The following ZNF345 variants were observed in gnomAD, a reference collection of about 807,000 sequenced individuals.
The protein encoded by ZNF345 is zinc finger protein 345.
For synonymous variants in ZNF345, 166 were observed against 187.9 expected (o/e 0.88, Z 0.95); for missense variants, 527 against 589.9 (o/e 0.89, Z 1.10).
rs187556677 is a variant in ZNF345 at position 36,859,826 on chromosome 19, G to A, written c.-47+7922G>A. Among the ~76,000 whole-genome samples the A allele has an allele frequency of 5.3e-4, 80 of 152,062 alleles. 1 individual carries two copies. In the East Asian group the frequency reaches 0.011, roughly 21 times the overall value. Reference sequence around the variant, plus strand: ...CAGTTGTTACCTTTTGCCTATTTGCGTTATCATTCTCATATGAACTTGTTT... The same window carrying A: ...CAGTTGTTACCTTTTGCCTATTTGCATTATCATTCTCATATGAACTTGTTT... On this transcript the variant is annotated intron_variant, in intron 2 of 2. Transcript: ENST00000420450.
chr19:36,874,911 C>T (rs139935780), intron 2 of ZNF345, among the ~76,000 whole-genome samples: 81 of 152,148 alleles, frequency 5.3e-4, no homozygotes, highest in African/African-American at 1.6e-3. Context: ...GGAAAGCGTA[C>T]GGGGATAAAT....
intron 2 of ZNF345, among the ~76,000 whole-genome samples, chr19:36,853,897 A>G (rs1568348617): frequency 6.6e-6 from 1 of 152,094 alleles, no homozygotes; most frequent in South Asian, 2.1e-4. Context: ...TTTCGTGTCA[A>G]TTGTTGAATT....
At position 36,863,941 on chromosome 19, in the gene ZNF345, A is replaced by G. The variant is rs12459377; in HGVS notation, c.-47+12037A>G. On this transcript the variant is annotated intron_variant, in intron 2 of 2. Transcript: ENST00000420450. ...ATTAATTTCTACCAACCCAAATCCC[A>G]TTGGCATGGAACTCTGCACTGCAGT... 5.4e-3 allele frequency among the ~76,000 whole-genome samples: 820 copies of G among 152,272 alleles called. 21 individuals carry two copies. Among genetic ancestry groups the G allele is most frequent in the Admixed American group, 0.038 (578 of 15,306 alleles).
downstream of ZNF345, among the ~76,000 whole-genome samples, chr19:36,879,813 C>G (rs1270654812): frequency 6.6e-6 from 1 of 152,184 alleles, no homozygotes; most frequent in Non-Finnish European, 1.5e-5. Context: ...ATCAATACCT[C>G]AGAGCCTTAT....
chr19:36,891,409 A>G, intron 3 of ZNF345: 1 of 1,345,596 alleles, frequency 7.4e-7, no homozygotes, highest in South Asian at 1.8e-5. Context: ...AACCTTTGAT[A>G]ATATGTATCC....
intron 3 of ZNF345, chr19:36,888,160 A>G (rs1038034577): frequency 2.0e-5 from 3 of 152,188 alleles, no homozygotes; most frequent in African/African-American, 7.2e-5. Context: ...TAACATGAAC[A>G]TGCCTGTTAA....
chr19:36,869,586 G>A (rs1271042354), intron 2 of ZNF345, among the ~76,000 whole-genome samples: 2 of 152,106 alleles, frequency 1.3e-5, no homozygotes, highest in African/African-American at 4.8e-5. Context: ...TCCACCATGA[G>A]TTACCTCATT....
chr19:36,866,121 C>T (rs890476210), intron 2 of ZNF345, among the ~76,000 whole-genome samples: 1 of 151,974 alleles, frequency 6.6e-6, no homozygotes, highest in African/African-American at 2.4e-5. Context: ...ATTATTCTCT[C>T]TTCATATTTA....
Position 36,876,867 on chromosome 19 carries a change from AG to A in ZNF345, c.38del (p.Ser13IlefsTer26). On this transcript the variant is annotated frameshift_variant, in exon 3 of 3. Transcript: ENST00000420450. LOFTEE classifies it low-confidence loss of function (END_TRUNC). ...TACAAAACACAGCATTGAGTGTTCA[AG>A]TTTCAGAGGTGATTGGGAATGTAAA... Reference protein sequence around the residue: ...NLTKHSIECSSFRGDWECKNQ... With the variant: ...NLTKHSIECSXFRGDWECKNQ... 1 of 1,613,528 alleles carries A rather than the reference AG, an allele frequency of 6.2e-7. No homozygotes were observed. The highest frequency in any genetic ancestry group is 8.5e-7 in the Non-Finnish European group (1 of 1,179,728).
rs758561572 is a variant in ZNF345 at position 36,877,905 on chromosome 19, C to T, written c.1075C>T (p.Gln359Ter). The T allele has an allele frequency of 6.2e-7, 1 of 1,613,946 alleles. No homozygotes were observed. The highest frequency in any genetic ancestry group is 1.3e-5 in the African/African-American group (1 of 74,900). The stretch of plus-strand genomic sequence containing the variant: ...CTTTAGTAGTGGTTCAGACCTTACT[C>T]AACATCACAGAATTCATACTGGTGA... ...KTFSSGSDLT[Q>*]HHRIHTGEKP... is the part of the protein sequence containing the mutation. Residue 359 changes from glutamine (Q) to a stop codon, truncating the protein, a stop_gained, in exon 3 of 3, where the codon CAA becomes TAA. Coordinates refer to ENST00000420450, the MANE Select transcript of ZNF345 (RefSeq NM_001242472.2). LOFTEE classifies it low-confidence loss of function (END_TRUNC).
At position 36,891,618 on chromosome 19, in the gene ZNF345, T is replaced by C. The variant is rs1217552528; in HGVS notation, c.47-1200T>C. On this transcript the variant is annotated intron_variant, in intron 3 of 3. Coordinates refer to the ZNF345 transcript ENST00000526123. ...TCTGATGTCGAGTAAGATTTGAGCC[T>C]TTATTAAAGGCCTTCCCACATTCAT... 2.5e-6 allele frequency: 4 copies of C among 1,598,198 alleles called. No individual in the cohort carries two copies. In the African/African-American group the frequency reaches 4.1e-5, roughly 16 times the overall value.
At chr19:36,891,382 A>C in intron 3 of ZNF345, 1 of 1,171,076 alleles carries the variant, frequency 8.5e-7, no homozygotes, top group Non-Finnish European at 1.2e-6. Flanking sequence ...TATCGTTTAA[A>C]AACGAATACA....
chr19:36,878,239 A>G lies in ZNF345; in HGVS notation c.1409A>G (p.Gln470Arg), dbSNP rs1349361366. 2.5e-6 allele frequency: 4 copies of G among 1,606,000 alleles called. No individual in the cohort carries two copies. The highest frequency in any genetic ancestry group is 1.3e-5 in the African/African-American group (1 of 74,306). The change falls in exon 3 of 3, where the codon CAG becomes CGG. Residue 470 changes from glutamine to arginine, a missense_variant. Physicochemically the swap from Gln to Arg is conservative, Grantham distance 43. Coordinates refer to ENST00000420450, the MANE Select transcript of ZNF345 (RefSeq NM_001242472.2). The stretch of plus-strand genomic sequence containing the variant: ...GCTTATGGGAGGGATTCAGAGTTTC[A>G]GCAACATAAGAAAAGTCATAATGGT... Reference protein sequence around the residue: ...GKAYGRDSEFQQHKKSHNGKK... With the variant: ...GKAYGRDSEFRQHKKSHNGKK...
At chr19:36,859,635 C>G (rs2072502244) in intron 2 of ZNF345, among the ~76,000 whole-genome samples, 2 of 151,910 alleles carry the variant, frequency 1.3e-5, no homozygotes, top group South Asian at 4.2e-4. Flanking sequence ...GTATCTTGCT[C>G]TTGTTTACCT....
chr19:36,891,606 A>G, intron 3 of ZNF345: 1 of 1,613,730 alleles, frequency 6.2e-7, no homozygotes, highest in Non-Finnish European at 8.5e-7. Context: ...GATGTCGAGT[A>G]AGATTTGAGC....
chr19:36,891,592 C>A (rs369348025), intron 3 of ZNF345: 141 of 1,613,602 alleles, frequency 8.7e-5, no homozygotes, highest in Admixed American at 2.5e-4. Flanking sequence ...AGTGTGAATT[C>A]TCTGATGTCG....
chr19:36,859,624 T>C (rs989621752), intron 2 of ZNF345, among the ~76,000 whole-genome samples: 1 of 152,184 alleles, frequency 6.6e-6, no homozygotes, highest in Non-Finnish European at 1.5e-5. Context: ...GTTTTTGATA[T>C]GTATCTTGCT....
intron 3 of ZNF345, chr19:36,890,665 A>AC (rs1377977779): frequency 7.1e-6 from 1 of 141,090 alleles, no homozygotes; most frequent in African/African-American, 2.7e-5. Context: ...ACATGGTGAA[A>AC]CCCCGTCGCT....
intron 2 of ZNF345, among the ~76,000 whole-genome samples, chr19:36,860,795 G>T (rs928640278): frequency 6.6e-6 from 1 of 152,100 alleles, no homozygotes; most frequent in African/African-American, 2.4e-5. Context: ...TTGTCTATTT[G>T]TAATTAATAG....
Sources: gnomAD v4.1 joint callset for allele counts (sites outside exome capture counted in the v4.1 genomes callset) on GRCh38, gnomAD v4.1.1 for gene constraint, MANE v1.5 for transcripts, NCBI Gene and HGNC (gene_info 2026-07-23, HGNC 2026-07-21) for gene names.